VAV3: variants seen among roughly 807,000 people sequenced by gnomAD.
VAV3 encodes guanine nucleotide exchange factor VAV3.
A neutral mutation model predicts 131.2 loss-of-function variants in VAV3; 94 were observed. The observed-to-expected ratio is 0.72, with a 90% CI of 0.61 to 0.85. The LOEUF is 0.85. Ranked by LOEUF, VAV3 falls within the 40% of genes least tolerant of loss-of-function variation. VAV3 has a pLI of 0.00. For missense variants in VAV3, 939 were observed against 1,002.7 expected (o/e 0.94, Z 0.86); for synonymous variants, 349 against 342.0 (o/e 1.02, Z -0.22).
chr1:107,654,662 T>G (rs1056117240), intron 19 of VAV3, among the ~76,000 whole-genome samples: 7 of 152,014 alleles, frequency 4.6e-5, no homozygotes, highest in Non-Finnish European at 7.4e-5. Context: ...ATTTTTAGTT[T>G]CCCATCTTTT....
chr1:107,596,933 A>T (rs1385454380), intron 24 of VAV3, among the ~76,000 whole-genome samples: 4 of 152,190 alleles, frequency 2.6e-5, no homozygotes, highest in Non-Finnish European at 5.9e-5. Flanking sequence ...ATTTTCTCTT[A>T]TAAATAATTT....
At chr1:107,899,665 C>CT (rs772442307) in intron 1 of VAV3, among the ~76,000 whole-genome samples, 1 of 152,218 alleles carries the variant, frequency 6.6e-6, no homozygotes, top group Non-Finnish European at 1.5e-5. Context: ...TGCAGTGTTA[C>CT]TTCATCTAAT....
chr1:107,927,417 G>A (rs1371958197), intron 1 of VAV3, among the ~76,000 whole-genome samples: 2 of 151,838 alleles, frequency 1.3e-5, no homozygotes, highest in Non-Finnish European at 2.9e-5. Context: ...AAAAAGAAGA[G>A]GAAATAGCAA....
At chr1:107,705,443 G>A (rs148479185) in intron 15 of VAV3, among the ~76,000 whole-genome samples, 1 of 151,946 alleles carries the variant, frequency 6.6e-6, no homozygotes, top group East Asian at 1.9e-4. Context: ...ACTAGCAGGT[G>A]AGGGTAGGAG....
chr1:107,856,759 A>G (rs555168019), intron 2 of VAV3, among the ~76,000 whole-genome samples: 45 of 152,296 alleles, frequency 3.0e-4, no homozygotes, highest in African/African-American at 1.0e-3. Context: ...AAGGAAGGCC[A>G]GGCATGGTGG....
intron 2 of VAV3, among the ~76,000 whole-genome samples, chr1:107,781,339 T>A (rs563618063): frequency 6.6e-6 from 1 of 152,196 alleles, no homozygotes; most frequent in East Asian, 1.9e-4. Flanking sequence ...TTGAATTACA[T>A]ATAGATGACG....
intron 15 of VAV3, among the ~76,000 whole-genome samples, chr1:107,717,394 T>C (rs1303442497): frequency 6.6e-6 from 1 of 152,250 alleles, no homozygotes; most frequent in Non-Finnish European, 1.5e-5. Flanking sequence ...AATTTCCCTC[T>C]ATACACTGCT....
chr1:107,761,392 CAA>C (rs35391183), intron 9 of VAV3, among the ~76,000 whole-genome samples: 100 of 102,470 alleles, frequency 9.8e-4, no homozygotes, highest in Middle Eastern at 5.3e-3. Flanking sequence ...GACTCCGTCT[CAA>C]AAAAAAAAAA....
chr1:107,675,833 G>T (rs1658170424), intron 19 of VAV3, among the ~76,000 whole-genome samples: 1 of 152,156 alleles, frequency 6.6e-6, no homozygotes, highest in Non-Finnish European at 1.5e-5. Flanking sequence ...CCATGACAGG[G>T]CTACAAGAAG....
At chr1:107,889,820 T>C (rs1671229038) in intron 1 of VAV3, among the ~76,000 whole-genome samples, 2 of 152,308 alleles carry the variant, frequency 1.3e-5, no homozygotes, top group Middle Eastern at 3.4e-3. Flanking sequence ...AGGTGCAGAT[T>C]TGGAGAACAC....
intron 2 of VAV3, among the ~76,000 whole-genome samples, chr1:107,866,731 G>A (rs1379349243): frequency 6.8e-6 from 1 of 146,688 alleles, no homozygotes; most frequent in African/African-American, 2.5e-5. Flanking sequence ...GCTGAGGCAG[G>A]AGAATCACTT....
intron 1 of VAV3, among the ~76,000 whole-genome samples, chr1:107,889,502 T>C (rs1671213208): frequency 6.6e-6 from 1 of 152,074 alleles, no homozygotes; most frequent in South Asian, 2.1e-4. Context: ...TCCAGGACCA[T>C]CTGTGGTGAA....
chr1:107,628,385 C>T (rs1654199929), intron 20 of VAV3, among the ~76,000 whole-genome samples: 1 of 152,162 alleles, frequency 6.6e-6, no homozygotes, highest in Admixed American at 6.5e-5. Context: ...ACAGAACATT[C>T]ATCACCATTG....
chr1:107,770,469 C>T (rs1238860269), intron 6 of VAV3, among the ~76,000 whole-genome samples, 167 bp downstream of exon 6: 1 of 152,142 alleles, frequency 6.6e-6, no homozygotes, highest in Non-Finnish European at 1.5e-5. Context: ...GGTACTAAGA[C>T]ATCCATAAAT....
At chr1:107,797,811 C>G (rs1264090859) in intron 2 of VAV3, among the ~76,000 whole-genome samples, 6 of 152,144 alleles carry the variant, frequency 3.9e-5, no homozygotes, top group Non-Finnish European at 7.3e-5. Flanking sequence ...GCAGTGTCCT[C>G]AAACCTTATC....
At chr1:107,710,372 C>T (rs1451037327) in intron 15 of VAV3, among the ~76,000 whole-genome samples, 1 of 152,164 alleles carries the variant, frequency 6.6e-6, no homozygotes, top group Non-Finnish European at 1.5e-5. Context: ...GCTTCAAAAA[C>T]ACCTGTCTGA....
At chr1:107,892,903 C>G (rs1257444174) in intron 1 of VAV3, among the ~76,000 whole-genome samples, 1 of 152,184 alleles carries the variant, frequency 6.6e-6, no homozygotes, top group African/African-American at 2.4e-5. Flanking sequence ...CTGCCCACTC[C>G]TTTCTCATGT....
At chr1:107,646,471 T>C (rs1428219725) in intron 19 of VAV3, among the ~76,000 whole-genome samples, 1 of 152,194 alleles carries the variant, frequency 6.6e-6, no homozygotes, top group East Asian at 1.9e-4. Context: ...TTTCACCATA[T>C]GTATTTGGGC....
At position 107,578,609 on chromosome 1, in the gene VAV3, T is replaced by A. The variant is rs146094500; in HGVS notation, c.2351-4411A>T. ...TTAGAATTCTCTCCTTGGACTGTTT[T>A]CTTTCTTTCTTTTTTTTGAGACGGA... On this transcript the variant is annotated intron_variant, in intron 25 of 26. Transcript: ENST00000370056. 1.1e-3 allele frequency: 195 copies of A among 180,586 alleles called. 1 individual carries two copies. Among genetic ancestry groups the A allele is most frequent in the African/African-American group, 4.4e-3 (185 of 42,096 alleles). The allele number at this position is 180,586 out of a possible 1,614,324, so 11.2% of individuals were successfully genotyped here.
Sources: allele counts gnomAD v4.1 joint callset (sites outside exome capture counted in the v4.1 genomes callset), GRCh38; gene constraint gnomAD v4.1.1; transcripts MANE v1.5; gene names NCBI Gene and HGNC (gene_info 2026-07-23, HGNC 2026-07-21).